Variants in DGKI observed in about 807,000 individuals in gnomAD.
DGKI encodes DAG kinase iota.
A neutral mutation model predicts 147.5 loss-of-function variants in DGKI; 55 were observed. The observed-to-expected ratio is 0.37, with a 90% CI of 0.30 to 0.47. The LOEUF is 0.47. DGKI is among the 20% of genes least tolerant of loss of function. DGKI has a pLI of 1.00. For missense variants in DGKI, 1,007 were observed against 1,323.8 expected (o/e 0.76, Z 3.71); for synonymous variants, 469 against 477.1 (o/e 0.98, Z 0.22).
intron 23 of DGKI, among the ~76,000 whole-genome samples, chr7:137,474,162 G>T (rs372282380): frequency 6.6e-6 from 1 of 151,896 alleles, no homozygotes; most frequent in African/African-American, 2.4e-5. Flanking sequence ...TTACTATCTG[G>T]GCAGATTCAT....
chr7:137,426,994 G>A (rs533865505), intron 28 of DGKI, among the ~76,000 whole-genome samples: 24 of 150,432 alleles, frequency 1.6e-4, no homozygotes, highest in Admixed American at 1.6e-3. Flanking sequence ...AGATCAACGA[G>A]ACAGAAAGTC....
intron 21 of DGKI, among the ~76,000 whole-genome samples, chr7:137,504,354 A>G (rs1258847697): frequency 6.6e-6 from 1 of 152,192 alleles, no homozygotes; most frequent in Non-Finnish European, 1.5e-5. Flanking sequence ...CAAACAAACT[A>G]TCTTCAATAG....
intron 1 of DGKI, among the ~76,000 whole-genome samples, chr7:137,759,498 C>A (rs749516070): frequency 5.9e-5 from 9 of 151,952 alleles, no homozygotes; most frequent in Non-Finnish European, 1.2e-4. Flanking sequence ...CCTGCCACCA[C>A]GCCTGGCTAA....
At chr7:137,399,753 T>C (rs959305107) in intron 30 of DGKI, among the ~76,000 whole-genome samples, 4 of 151,878 alleles carry the variant, frequency 2.6e-5, no homozygotes, top group Non-Finnish European at 5.9e-5. Flanking sequence ...CTACTAAAAA[T>C]ACAATAATTA....
chr7:137,410,436 G>C (rs895959738), intron 29 of DGKI, among the ~76,000 whole-genome samples: 4 of 152,154 alleles, frequency 2.6e-5, no homozygotes, highest in African/African-American at 9.7e-5. Flanking sequence ...GTGTTATTAA[G>C]TCATGTTTTA....
intron 23 of DGKI, among the ~76,000 whole-genome samples, chr7:137,471,467 C>G (rs1250788749): frequency 6.6e-6 from 1 of 152,166 alleles, no homozygotes; most frequent in African/African-American, 2.4e-5. Flanking sequence ...TGCTGCCCTA[C>G]TTGATCCTCA....
At chr7:137,650,769 A>T (rs2129010453) in intron 5 of DGKI, among the ~76,000 whole-genome samples, 1 of 152,320 alleles carries the variant, frequency 6.6e-6, no homozygotes, top group South Asian at 2.1e-4. Flanking sequence ...TTTGTTGCTT[A>T]TAAGCCACCC....
At chr7:137,559,643 G>A (rs1818349818) in intron 19 of DGKI, among the ~76,000 whole-genome samples, 1 of 151,680 alleles carries the variant, frequency 6.6e-6, no homozygotes, top group Admixed American at 6.6e-5. Flanking sequence ...TTGTATACAT[G>A]TGTCTTTTTT....
intron 5 of DGKI, 134 bp from the exon 6 acceptor site, chr7:137,645,671 A>G: frequency 1.4e-6 from 1 of 700,788 alleles, no homozygotes; most frequent in East Asian, 2.9e-5. Flanking sequence ...TGCTCAAGCA[A>G]TTCACCCATC....
chr7:137,645,531 C>A lies in DGKI; in HGVS notation c.745G>T (p.Val249Leu), dbSNP rs1212664203. 1.9e-5 allele frequency: 30 copies of A among 1,611,626 alleles called. No individual in the cohort carries two copies. The Admixed American group carries it at 4.7e-4, about 25-fold the overall frequency. The change falls in exon 6 of 33, where the codon GTA (valine) becomes TTA (leucine). Residue 249 changes from valine (V) to leucine (L), a missense_variant. Physicochemically the swap from Val to Leu is conservative, Grantham distance 32. Around this residue, in one of 5 missense-constraint regions of DGKI, gnomAD observed 259 missense variants for 362.5 expected, o/e 0.71. Transcript: ENST00000614521. ...GGSRSPRENF[V>L]RHHWVHRRRQ... ...CGCCTGTGCACCCAGTGATGACGTA[C>A]AAAATTCTGTGGGAAAACAAAATTA...
intron 28 of DGKI, among the ~76,000 whole-genome samples, chr7:137,414,135 C>T (rs565552742): frequency 6.6e-6 from 1 of 152,254 alleles, no homozygotes; most frequent in East Asian, 1.9e-4. Context: ...CTGAGCAAAA[C>T]CCCCAAAGCT....
At chr7:137,548,547 G>T (rs1817939388) in intron 20 of DGKI, among the ~76,000 whole-genome samples, 1 of 152,138 alleles carries the variant, frequency 6.6e-6, no homozygotes, top group Non-Finnish European at 1.5e-5. Context: ...TGATATGCCA[G>T]CTCCCCATTC....
chr7:137,408,046 A>T (rs1225305253), intron 29 of DGKI, 51 bp from the exon 30 acceptor site: 2 of 1,605,038 alleles, frequency 1.2e-6, no homozygotes, highest in Non-Finnish European at 1.7e-6. Context: ...CGGAACAAGG[A>T]TAACAGCTAA....
At chr7:137,647,999 C>T (rs10155832) in intron 5 of DGKI, among the ~76,000 whole-genome samples, 14,928 of 152,110 alleles carry the variant, frequency 0.098, 2,107 homozygotes, top group African/African-American at 0.31. Context: ...AGAATCTGTG[C>T]CCTTACCATT....
intron 20 of DGKI, among the ~76,000 whole-genome samples, chr7:137,523,460 CACAG>C (rs1031147594): frequency 9.2e-5 from 14 of 152,006 alleles, no homozygotes; most frequent in South Asian, 2.1e-4. Flanking sequence ...CTCACACACA[CACAG>C]ACAGAGAGAG....
intron 8 of DGKI, among the ~76,000 whole-genome samples, chr7:137,614,096 T>C (rs1431426489): frequency 6.6e-6 from 1 of 152,148 alleles, no homozygotes; most frequent in African/African-American, 2.4e-5. Flanking sequence ...CAATAAAAGA[T>C]TGAGCACTAT....
At chr7:137,730,342 C>A (rs1172703171) in intron 1 of DGKI, among the ~76,000 whole-genome samples, 3 of 152,100 alleles carry the variant, frequency 2.0e-5, no homozygotes, top group Admixed American at 6.6e-5. Context: ...CTGAACACAG[C>A]CGACTTGGTA....
intron 19 of DGKI, among the ~76,000 whole-genome samples, chr7:137,566,975 G>C (rs1233063285): frequency 6.6e-6 from 1 of 151,782 alleles, no homozygotes; most frequent in African/African-American, 2.4e-5. Context: ...GATAGAATTA[G>C]AATATCAGGC....
chr7:137,747,663 C>T (rs1321214169), intron 1 of DGKI, among the ~76,000 whole-genome samples: 3 of 152,114 alleles, frequency 2.0e-5, no homozygotes, highest in Non-Finnish European at 2.9e-5. Context: ...TTGCTTTGTA[C>T]GTGTGTTTTG....
Sources: gnomAD v4.1 joint callset for allele counts (sites outside exome capture counted in the v4.1 genomes callset) on GRCh38, gnomAD v4.1.1 for gene constraint, gnomAD v4.1.1 regional missense constraint, MANE v1.5 for transcripts, NCBI Gene and HGNC (gene_info 2026-07-23, HGNC 2026-07-21) for gene names.